SNTG1: variants seen among roughly 807,000 people sequenced by gnomAD.
SNTG1 encodes the protein syntrophin gamma 1, also known as gamma-1-syntrophin.
A neutral mutation model predicts 74.7 loss-of-function variants in SNTG1; 39 were observed. That is an observed-to-expected ratio of 0.52 (90% CI 0.40 to 0.68). The LOEUF (loss-of-function observed/expected upper bound fraction) is 0.68. SNTG1 is among the 30% of genes least tolerant of loss of function. The probability of loss-of-function intolerance (pLI) is 0.00; values close to 1 mark genes in which losing one functional copy is unlikely to be tolerated. For synonymous variants in SNTG1, 254 were observed against 217.1 expected (o/e 1.17, Z -1.49); for missense variants, 685 against 609.5 (o/e 1.12, Z -1.30).
intron 12 of SNTG1, among the ~76,000 whole-genome samples, chr8:50,583,131 G>C (rs1339304304): frequency 2.0e-5 from 3 of 152,054 alleles, no homozygotes; most frequent in African/African-American, 2.4e-5. Flanking sequence ...AGCAGGCATG[G>C]TGGCTCATGC....
At position 50,233,119 on chromosome 8, in the gene SNTG1, A is replaced by G. The variant is rs542688834; in HGVS notation, c.-28+60484A>G. ...TGTAATAGCAAAAACAATTTTGAAA[A>G]GAAAGAATAAAGCAGGATGGATCAT... On this transcript the variant is annotated intron_variant, in intron 2 of 18. Coordinates refer to ENST00000642720, the MANE Select transcript of SNTG1 (RefSeq NM_018967.5). Among the ~76,000 whole-genome samples the G allele has an allele frequency of 2.0e-4, 31 of 151,758 alleles. 1 individual carries two copies. The highest frequency in any genetic ancestry group is 7.2e-4 in the African/African-American group (30 of 41,530).
intron 17 of SNTG1, among the ~76,000 whole-genome samples, chr8:50,734,958 TATATATCC>T (rs1357162403): frequency 3.3e-5 from 2 of 60,938 alleles, no homozygotes; most frequent in African/African-American, 3.0e-4. Flanking sequence ...CATATATATC[TATATATCC>T]ATATATATCT....
rs1401805723 is a variant in SNTG1 at position 50,660,411 on chromosome 8, A to AAAGAAAGAAAGAAAG, written c.1038+1765_1038+1779dup. ...GAAGGAAGAAAAAGAGAAAGAAAGA[A>AAAGAAAGAAAGAAAG]AAGAAAGAAAGAAAGAAGAAAGAAA... is the stretch of plus-strand genomic sequence containing the variant. On this transcript the variant is annotated intron_variant, in intron 15 of 18. Transcript: ENST00000642720. 9.1e-3 allele frequency among the ~76,000 whole-genome samples: 27 copies of AAAGAAAGAAAGAAAG among 2,982 alleles called. 1 individual carries two copies. The highest frequency in any genetic ancestry group is 0.027 in the African/African-American group (25 of 926). 2.0% of individuals were successfully genotyped at this position (2,982 alleles called of 152,430 possible).
Position 50,226,560 on chromosome 8 carries a change from T to G in SNTG1, c.-28+53925T>G, listed in dbSNP as rs2085339537. ...CAAAAGATCCGTGGTCTCCACAATC[T>G]TTTATCTTAACCTGAACATTTCCTT... On this transcript the variant is annotated intron_variant, in intron 2 of 18. Coordinates refer to ENST00000642720, the MANE Select transcript of SNTG1 (RefSeq NM_018967.5). Among the ~76,000 whole-genome samples, 3 of 152,336 alleles carry G rather than the reference T, an allele frequency of 2.0e-5. No individual in the cohort carries two copies. The South Asian group carries it at 6.2e-4, about 32-fold the overall frequency.
upstream of SNTG1, chr8:49,909,965 T>G (rs1805499411): frequency 6.6e-6 from 1 of 152,290 alleles, no homozygotes; most frequent in Non-Finnish European, 1.5e-5. Context: ...TCAGTAACGT[T>G]TCTCCTCCAG....
At chr8:50,714,564 C>T (rs2095470630) in intron 17 of SNTG1, among the ~76,000 whole-genome samples, 1 of 152,110 alleles carries the variant, frequency 6.6e-6, no homozygotes, top group African/African-American at 2.4e-5. Context: ...CTGTCCTCCA[C>T]TGGGCATTTG....
intron 17 of SNTG1, among the ~76,000 whole-genome samples, chr8:50,746,438 C>G (rs935788528): frequency 1.3e-5 from 2 of 151,914 alleles, no homozygotes; most frequent in Admixed American, 1.3e-4. Context: ...TTTGGCCTAT[C>G]TATTCATGAG....
At chr8:50,592,709 T>C (rs1164049798) in intron 13 of SNTG1, among the ~76,000 whole-genome samples, 1 of 152,230 alleles carries the variant, frequency 6.6e-6, no homozygotes, top group Non-Finnish European at 1.5e-5. Context: ...ATATTATTCA[T>C]TATATAATAA....
At chr8:50,227,404 T>A (rs2085384363) in intron 2 of SNTG1, among the ~76,000 whole-genome samples, 1 of 152,044 alleles carries the variant, frequency 6.6e-6, no homozygotes. Context: ...TCTTGAGAAA[T>A]CTTCATTAGA....
At chr8:50,737,245 G>T (rs139570700) in intron 17 of SNTG1, among the ~76,000 whole-genome samples, 4,070 of 152,154 alleles carry the variant, frequency 0.027, 182 homozygotes, top group African/African-American at 0.093. Flanking sequence ...TGATCCCACA[G>T]AAATACAAAC....
In SNTG1 at chr8:50,704,588, G is replaced by A. The variant is rs1217697975; in HGVS notation, c.1039-12G>A. The stretch of plus-strand genomic sequence containing the variant: ...ATGTGTGCCAGCCTGTGTAACTCCA[G>A]GTTTTCACCAGGACAGTGACCTGCT... On this transcript the variant is annotated splice_polypyrimidine_tract_variant and intron_variant, in intron 15 of 18. Coordinates refer to ENST00000642720, the MANE Select transcript of SNTG1 (RefSeq NM_018967.5). 5 of 1,614,046 alleles carry A rather than the reference G, an allele frequency of 3.1e-6. No individual in the cohort carries two copies. The highest frequency in any genetic ancestry group is 4.2e-6 in the Non-Finnish European group (5 of 1,179,992).
At chr8:50,529,934 T>C (rs796703632) in intron 9 of SNTG1, among the ~76,000 whole-genome samples, 22 of 151,832 alleles carry the variant, frequency 1.4e-4, no homozygotes, top group African/African-American at 5.3e-4. Flanking sequence ...CATTTTCCTT[T>C]ATAAAGTCTT....
chr8:50,039,705 T>C (rs1015374839), intron 1 of SNTG1, among the ~76,000 whole-genome samples: 4 of 152,186 alleles, frequency 2.6e-5, no homozygotes, highest in Admixed American at 2.6e-4. Flanking sequence ...ATTATTAGAT[T>C]CCTCTGAGTG....
intron 2 of SNTG1, among the ~76,000 whole-genome samples, chr8:50,322,017 T>G (rs999107506): frequency 6.6e-6 from 1 of 152,164 alleles, no homozygotes; most frequent in Non-Finnish European, 1.5e-5. Flanking sequence ...GTGTACTTAC[T>G]TTTACCAGTG....
chr8:50,732,698 C>A (rs376968543), intron 17 of SNTG1, among the ~76,000 whole-genome samples: 1 of 151,536 alleles, frequency 6.6e-6, no homozygotes, highest in Non-Finnish European at 1.5e-5. Context: ...AATTTTACAA[C>A]GTCATCAACA....
Position 50,349,816 on chromosome 8 carries a change from C to T in SNTG1, c.-27-44396C>T, listed in dbSNP as rs1031107627. Among the ~76,000 whole-genome samples the T allele has an allele frequency of 7.9e-5, 12 of 152,324 alleles. 1 individual carries two copies. The highest frequency in any genetic ancestry group is 1.9e-4 in the East Asian group (1 of 5,170). ...TCCTCTGCCTGGGCTCCCACTTTGG[C>T]GGCACTTGAGGAGCCCTTCAGCCAA... On this transcript the variant is annotated intron_variant, in intron 2 of 18. Coordinates refer to ENST00000642720, the MANE Select transcript of SNTG1 (RefSeq NM_018967.5).
chr8:50,732,850 G>C (rs1282969941), intron 17 of SNTG1, among the ~76,000 whole-genome samples: 4 of 151,696 alleles, frequency 2.6e-5, no homozygotes, highest in African/African-American at 9.7e-5. Context: ...GGTTGAACAG[G>C]TTCTCCTATG....
chr8:50,528,071 AT>A (rs1423281918), intron 9 of SNTG1, among the ~76,000 whole-genome samples: 1 of 151,984 alleles, frequency 6.6e-6, no homozygotes, highest in Non-Finnish European at 1.5e-5. Context: ...TATATACACG[AT>A]TGTGTTATCT....
chr8:50,511,437 G>C (rs1474693164), intron 9 of SNTG1, among the ~76,000 whole-genome samples: 2 of 152,168 alleles, frequency 1.3e-5, no homozygotes. Flanking sequence ...AGGTCTGCTT[G>C]GTGCAGAGCT....
Sources: gnomAD v4.1 joint callset for allele counts (sites outside exome capture counted in the v4.1 genomes callset) on GRCh38, gnomAD v4.1.1 for gene constraint, MANE v1.5 for transcripts, NCBI Gene and HGNC (gene_info 2026-07-23, HGNC 2026-07-21) for gene names.